Variants in CCSER1 observed in about 807,000 individuals in gnomAD.
CCSER1 encodes the protein serine-rich coiled-coil domain-containing protein 1.
A neutral mutation model predicts 82.0 loss-of-function variants in CCSER1; 41 were observed. The observed-to-expected ratio is 0.50, with a 90% CI of 0.39 to 0.65. The LOEUF is 0.65. Among genes scored for constraint, CCSER1 ranks in the 30% least tolerant of loss-of-function variants. The pLI is 0.00. For synonymous variants in CCSER1, 414 were observed against 383.9 expected (o/e 1.08, Z -0.92); for missense variants, 1,119 against 1,064.2 (o/e 1.05, Z -0.72).
At chr4:90,831,214 G>A (rs2149822371) in intron 8 of CCSER1, among the ~76,000 whole-genome samples, 1 of 152,214 alleles carries the variant, frequency 6.6e-6, no homozygotes, top group South Asian at 2.1e-4. Context: ...TATGGAGAAA[G>A]GAAGGTAGGG....
At chr4:90,203,025 A>G (rs1359877646) in intron 1 of CCSER1, among the ~76,000 whole-genome samples, 1 of 152,204 alleles carries the variant, frequency 6.6e-6, no homozygotes, top group Non-Finnish European at 1.5e-5. Context: ...AATTTTCAGC[A>G]GTTTTAAAAA....
chr4:91,266,063 G>T (rs866804648), intron 10 of CCSER1, among the ~76,000 whole-genome samples: 1 of 152,076 alleles, frequency 6.6e-6, no homozygotes, highest in Admixed American at 6.6e-5. Context: ...CAGTATGGGG[G>T]AAACTGCCCT....
chr4:90,411,124 A>T (rs532692015), intron 4 of CCSER1, among the ~76,000 whole-genome samples: 25 of 152,326 alleles, frequency 1.6e-4, no homozygotes, highest in East Asian at 1.4e-3. Flanking sequence ...AAATTGAGGC[A>T]ATAATTAATA....
chr4:91,025,377 T>C (rs188514837), intron 9 of CCSER1, among the ~76,000 whole-genome samples: 3 of 152,320 alleles, frequency 2.0e-5, no homozygotes, highest in African/African-American at 7.2e-5. Flanking sequence ...GAAATACATA[T>C]TGAATTTTTC....
intron 10 of CCSER1, among the ~76,000 whole-genome samples, chr4:91,597,615 T>A (rs1764645934): frequency 6.6e-6 from 1 of 152,096 alleles, no homozygotes; most frequent in South Asian, 2.1e-4. Context: ...TTAGTAATAT[T>A]AATATAAGTA....
intron 9 of CCSER1, among the ~76,000 whole-genome samples, chr4:91,063,909 G>A (rs1465910267): frequency 6.6e-6 from 1 of 152,094 alleles, no homozygotes; most frequent in African/African-American, 2.4e-5. Flanking sequence ...TCTCATGTCT[G>A]GGAAATGTCA....
chr4:90,446,497 T>C (rs902480530), intron 4 of CCSER1, among the ~76,000 whole-genome samples: 13 of 152,122 alleles, frequency 8.5e-5, no homozygotes, highest in African/African-American at 3.1e-4. Context: ...ATTTGATACT[T>C]ATTCTTTTTA....
chr4:90,953,395 T>C (rs1262638552), intron 9 of CCSER1, among the ~76,000 whole-genome samples: 2 of 151,744 alleles, frequency 1.3e-5, no homozygotes, highest in Non-Finnish European at 2.9e-5. Flanking sequence ...TGTTCTATTT[T>C]ACAATGAAAC....
At chr4:91,354,300 A>G (rs1748674752) in intron 10 of CCSER1, among the ~76,000 whole-genome samples, 1 of 152,212 alleles carries the variant, frequency 6.6e-6, no homozygotes, top group Non-Finnish European at 1.5e-5. Flanking sequence ...CGTGGGAAGC[A>G]TAGACTGGGA....
At chr4:90,763,384 T>C (rs1459437436) in intron 7 of CCSER1, among the ~76,000 whole-genome samples, 2 of 152,036 alleles carry the variant, frequency 1.3e-5, no homozygotes, top group African/African-American at 4.8e-5. Flanking sequence ...TAGGAGCCAG[T>C]GAAGCAAACA....
intron 10 of CCSER1, among the ~76,000 whole-genome samples, chr4:91,581,350 C>A (rs1240174133): frequency 6.6e-6 from 1 of 151,564 alleles, no homozygotes; most frequent in African/African-American, 2.4e-5. Context: ...GCAAATTTTG[C>A]CAGAAGGGCA....
intron 1 of CCSER1, among the ~76,000 whole-genome samples, chr4:90,130,185 A>G (rs1722573334): frequency 1.3e-5 from 2 of 152,220 alleles, no homozygotes; most frequent in African/African-American, 4.8e-5. Context: ...TAACGTTTGC[A>G]AAGTACTACT....
At chr4:90,865,943 T>C (rs1765677739) in intron 8 of CCSER1, among the ~76,000 whole-genome samples, 1 of 151,876 alleles carries the variant, frequency 6.6e-6, no homozygotes, top group South Asian at 2.1e-4. Context: ...TCAATCATGC[T>C]GAAAGGTGAA....
chr4:91,291,969 A>G, intron 10 of CCSER1, among the ~76,000 whole-genome samples: 1 of 151,990 alleles, frequency 6.6e-6, no homozygotes, highest in African/African-American at 2.4e-5. Context: ...CATTTGTCCC[A>G]TTTTTTTCTT....
At chr4:90,913,031 C>T (rs1011233519) in intron 8 of CCSER1, among the ~76,000 whole-genome samples, 3 of 152,208 alleles carry the variant, frequency 2.0e-5, no homozygotes, top group South Asian at 4.1e-4. Flanking sequence ...CTGAAAGTGA[C>T]GGGGAGAATG....
chr4:90,650,249 AAAAG>A (rs1728488046), intron 6 of CCSER1, among the ~76,000 whole-genome samples: 1 of 152,076 alleles, frequency 6.6e-6, no homozygotes, highest in South Asian at 2.1e-4. Context: ...AAACAGAAAG[AAAAG>A]AAAGGGTCAA....
chr4:90,531,400 T>C (rs893808762), intron 5 of CCSER1, among the ~76,000 whole-genome samples: 7 of 151,392 alleles, frequency 4.6e-5, no homozygotes, highest in South Asian at 2.1e-4. Context: ...AGGTTTCTTT[T>C]TTTTTTTTTT....
chr4:91,158,839 T>C (rs1416381991), intron 10 of CCSER1, among the ~76,000 whole-genome samples: 1 of 151,966 alleles, frequency 6.6e-6, no homozygotes, highest in Non-Finnish European at 1.5e-5. Context: ...ATTGAAACAA[T>C]GAATTGGAGA....
At position 91,237,120 on chromosome 4, in the gene CCSER1, ACAAT is replaced by A. The variant is rs539171340; in HGVS notation, c.2217+151133_2217+151136del. On this transcript the variant is annotated intron_variant, in intron 10 of 10. Coordinates refer to ENST00000509176, the MANE Select transcript of CCSER1 (RefSeq NM_001145065.2). ...TAGGTTATATGCCCATTATATTTAT[ACAAT>A]CAATCATCTTTTTTCATTGCAATAA... Among the ~76,000 whole-genome samples, 410 of 152,282 alleles carry A rather than the reference ACAAT, an allele frequency of 2.7e-3. 1 individual carries two copies. The highest frequency in any genetic ancestry group is 9.3e-3 in the African/African-American group (387 of 41,576).
Sources: gnomAD v4.1 joint callset for allele counts (sites outside exome capture counted in the v4.1 genomes callset) on GRCh38, gnomAD v4.1.1 for gene constraint, MANE v1.5 for transcripts, NCBI Gene and HGNC (gene_info 2026-07-23, HGNC 2026-07-21) for gene names.